PTAFR: variants seen among roughly 807,000 people sequenced by gnomAD.
The protein encoded by PTAFR is platelet activating factor receptor, also known as platelet-activating factor receptor.
A neutral mutation model predicts 14.7 loss-of-function variants in PTAFR; 8 were observed. That is an observed-to-expected ratio of 0.54 (90% CI 0.32 to 0.98). The LOEUF is 0.98. PTAFR is among the 50% of genes least tolerant of loss of function. The pLI is 0.04. For synonymous variants in PTAFR, 156 were observed against 176.5 expected (o/e 0.88, Z 0.92); for missense variants, 337 against 451.2 (o/e 0.75, Z 2.29).
rs1646131299 is a variant in PTAFR at position 28,147,603 on chromosome 1, G to A, written c.*2390C>T. The A allele has an allele frequency of 6.6e-6, 1 of 152,166 alleles. No homozygotes were observed. The highest frequency in any genetic ancestry group is 6.6e-5 in the Admixed American group (1 of 15,260). The allele number at this position is 152,166 out of a possible 1,614,324, so 9.4% of individuals were successfully genotyped here. ...AGACAAACACACACACATGGACACA[G>A]TCACAGCTCCAGGGTTTCTATGTGT... is the stretch of plus-strand genomic sequence containing the variant. On this transcript the variant is annotated 3_prime_UTR_variant, in exon 2 of 2. Coordinates refer to ENST00000373857, the MANE Select transcript of PTAFR (RefSeq NM_000952.5).
chr1:28,167,644 T>TA, intron 1 of PTAFR, among the ~76,000 whole-genome samples: 2 of 132,226 alleles, frequency 1.5e-5, no homozygotes, highest in African/African-American at 5.9e-5. Context: ...TTTTTTTTTT[T>TA]TTTTTTTTTT....
At chr1:28,166,537 G>T (rs892740588) in intron 1 of PTAFR, among the ~76,000 whole-genome samples, 7 of 152,092 alleles carry the variant, frequency 4.6e-5, no homozygotes, top group Admixed American at 3.9e-4. Context: ...CAGGCATGAT[G>T]GCGGGTGCCT....
chr1:28,174,366 C>T (rs1441498598), intron 1 of PTAFR, among the ~76,000 whole-genome samples: 2 of 151,990 alleles, frequency 1.3e-5, no homozygotes, highest in Non-Finnish European at 1.5e-5. Flanking sequence ...TTCAACAAGG[C>T]CTCCTTCACA....
In PTAFR at chr1:28,159,484, C is replaced by T. The variant is rs180816791; in HGVS notation, c.-38-8425G>A. On this transcript the variant is annotated intron_variant, in intron 1 of 1. Transcript: ENST00000373857. The stretch of plus-strand genomic sequence containing the variant: ...TGTGATCACAGGGAGAGCAGTTGCC[C>T]AGGCATGGGTTGAGGGGTGAGTGAT... Among the ~76,000 whole-genome samples, 454 of 152,232 alleles carry T rather than the reference C, an allele frequency of 3.0e-3. 2 individuals carry two copies. Among genetic ancestry groups the T allele is most frequent in the Non-Finnish European group, 4.5e-3 (309 of 68,016 alleles).
chr1:28,151,061 T>G lies in PTAFR; in HGVS notation c.-38-2A>C, dbSNP rs1646181347. 1 of 1,491,600 alleles carries G rather than the reference T, an allele frequency of 6.7e-7. No homozygotes were observed. Among genetic ancestry groups the G allele is most frequent in the African/African-American group, 1.4e-5 (1 of 71,220 alleles). 92.4% of individuals were successfully genotyped at this position (1,491,600 alleles called of 1,614,324 possible). A position where few individuals can be genotyped will look rare whatever the true frequency, so the allele number is the denominator to read the frequency against. ...ATGATCAGCTGGTCCTGGTGGTGCC[T>G]GGAAGACCACACAAAAATTCTGGTT... On this transcript the variant is annotated splice_acceptor_variant, in intron 1 of 1. Transcript: ENST00000373857. LOFTEE classifies it low-confidence loss of function (5UTR_SPLICE).
intron 1 of PTAFR, among the ~76,000 whole-genome samples, chr1:28,165,121 G>C (rs1457678852): frequency 6.6e-6 from 1 of 152,116 alleles, no homozygotes; most frequent in South Asian, 2.1e-4. Flanking sequence ...AACTTAACCA[G>C]CCAGGCACGA....
intron 1 of PTAFR, among the ~76,000 whole-genome samples, chr1:28,168,735 A>T (rs911047844): frequency 6.6e-6 from 1 of 152,012 alleles, no homozygotes; most frequent in African/African-American, 2.4e-5. Context: ...GTGGCATGAT[A>T]TTGGTTCACC....
chr1:28,181,534 G>A (rs953114083), upstream of PTAFR, among the ~76,000 whole-genome samples: 9 of 151,932 alleles, frequency 5.9e-5, no homozygotes, highest in African/African-American at 1.2e-4. Context: ...ATCACCTGAG[G>A]TCAGCAGTTC....
At chr1:28,165,018 A>G (rs1280366689) in intron 1 of PTAFR, among the ~76,000 whole-genome samples, 1 of 152,208 alleles carries the variant, frequency 6.6e-6, no homozygotes, top group African/African-American at 2.4e-5. Context: ...CTCATTTGTA[A>G]ATGAAGATTT....
chr1:28,171,239 C>A (rs1200577127), intron 1 of PTAFR, among the ~76,000 whole-genome samples: 2 of 151,506 alleles, frequency 1.3e-5, no homozygotes, highest in Non-Finnish European at 2.9e-5. Flanking sequence ...AGAAGAACCA[C>A]TTGAACCCGG....
intron 1 of PTAFR, among the ~76,000 whole-genome samples, chr1:28,153,445 T>C (rs866866691): frequency 1.3e-5 from 2 of 151,534 alleles, no homozygotes; most frequent in South Asian, 2.1e-4. Flanking sequence ...TCTAATAGTG[T>C]AGTAAAAAGA....
At chr1:28,173,370 C>T (rs764016598) in intron 1 of PTAFR, among the ~76,000 whole-genome samples, 15 of 151,430 alleles carry the variant, frequency 9.9e-5, no homozygotes, top group Non-Finnish European at 1.9e-4. Context: ...CTTTGGGAGG[C>T]CAAGGCAGGC....
chr1:28,184,102 T>G (rs1041825302), intron 1 of PTAFR, among the ~76,000 whole-genome samples: 1 of 138,716 alleles, frequency 7.2e-6, no homozygotes, highest in Non-Finnish European at 1.6e-5. Context: ...TTTTTTTTTT[T>G]TTTTTTTTGA....
At chr1:28,153,377 G>A (rs1252467143) in intron 1 of PTAFR, among the ~76,000 whole-genome samples, 1 of 152,132 alleles carries the variant, frequency 6.6e-6, no homozygotes, top group South Asian at 2.1e-4. Context: ...GCAGCAGGCA[G>A]GGAGGAGGAT....
intron 1 of PTAFR, among the ~76,000 whole-genome samples, chr1:28,158,488 A>G (rs1646291070): frequency 1.3e-5 from 2 of 152,220 alleles, no homozygotes; most frequent in Non-Finnish European, 2.9e-5. Flanking sequence ...TCATCAGGTC[A>G]GGAGTTTGAG....
intron 1 of PTAFR, 73 bp from the exon 2 acceptor site, chr1:28,151,132 C>CCTG: frequency 1.2e-6 from 1 of 825,256 alleles, no homozygotes; most frequent in East Asian, 2.6e-5. Flanking sequence ...AGTTCCAAGA[C>CCTG]TCCTTGCCAT....
At chr1:28,164,007 G>T (rs1420593870) in intron 1 of PTAFR, among the ~76,000 whole-genome samples, 1 of 152,254 alleles carries the variant, frequency 6.6e-6, no homozygotes, top group Admixed American at 6.5e-5. Context: ...TCATGAGACA[G>T]AAGAATTCTG....
At chr1:28,188,109 CA>C (rs969354602) in intron 1 of PTAFR, among the ~76,000 whole-genome samples, 10 of 151,948 alleles carry the variant, frequency 6.6e-5, no homozygotes, top group African/African-American at 2.2e-4. Context: ...CCCAGCAGTT[CA>C]AAACCAGCCT....
chr1:28,175,211 C>G (rs530098064), intron 1 of PTAFR, among the ~76,000 whole-genome samples: 4 of 152,168 alleles, frequency 2.6e-5, no homozygotes, highest in African/African-American at 9.6e-5. Flanking sequence ...CATGCCCGGC[C>G]CACAGAGGTC....
Sources: gnomAD v4.1 joint callset for allele counts (sites outside exome capture counted in the v4.1 genomes callset) on GRCh38, gnomAD v4.1.1 for gene constraint, MANE v1.5 for transcripts, NCBI Gene and HGNC (gene_info 2026-07-23, HGNC 2026-07-21) for gene names.